GABRA6: variants seen among roughly 807,000 people sequenced by gnomAD.
GABRA6 encodes gamma-aminobutyric acid type A receptor subunit alpha6.
A neutral mutation model predicts 47.3 loss-of-function variants in GABRA6; 45 were observed. That is an observed-to-expected ratio of 0.95 (90% CI 0.75 to 1.22). GABRA6 has a LOEUF of 1.22. Ranked by LOEUF, GABRA6 falls within the 50% of genes most tolerant of loss-of-function variation. GABRA6 has a pLI of 0.00. For missense variants in GABRA6, 583 were observed against 549.3 expected, an observed-to-expected ratio of 1.06 and a Z score of -0.61; for synonymous variants, 219 against 194.7, an observed-to-expected ratio of 1.12 and a Z score of -1.04.
Position 161,690,237 on chromosome 5 carries a change from A to C in GABRA6, c.710A>C (p.Gln237Pro). The change falls in exon 7 of 9, where the codon CAA (glutamine) becomes CCA (proline). Residue 237 changes from glutamine (Q) to proline (P), a missense_variant. Physicochemically the swap from Gln to Pro is moderately conservative, Grantham distance 76 (BLOSUM62 -1). Coordinates refer to ENST00000274545, the MANE Select transcript of GABRA6 (RefSeq NM_000811.3). ...YVIMTVYFHL[Q>P]RKMGYFMIQI... ...ATAATGACAGTTTACTTCCACTTGC[A>C]AAGGAAGATGGGCTACTTCATGATA... 2 of 1,613,800 alleles carry C rather than the reference A, an allele frequency of 1.2e-6. No individual in the cohort carries two copies. Among genetic ancestry groups the C allele is most frequent in the Non-Finnish European group, 1.7e-6 (2 of 1,179,772 alleles).
chr5:161,696,700 TG>T (rs1197644710), intron 8 of GABRA6, among the ~76,000 whole-genome samples: 1 of 152,204 alleles, frequency 6.6e-6, no homozygotes, highest in Non-Finnish European at 1.5e-5. Context: ...CAATAAGCTG[TG>T]TGTCTGTAGA....
rs1329035170 is a variant in GABRA6 at position 161,702,193 on chromosome 5, A to G, written c.*420A>G. 4.7e-6 allele frequency: 1 copy of G among 214,128 alleles called. No individual in the cohort carries two copies. The highest frequency in any genetic ancestry group is 9.5e-6 in the Non-Finnish European group (1 of 105,154). 13.3% of individuals were successfully genotyped at this position (214,128 alleles called of 1,614,324 possible). A position where few individuals can be genotyped will look rare whatever the true frequency, so the allele number is the denominator to read the frequency against. ...GTTCCCGAGAGGGCAAAATATAAAT[A>G]CAGTCTAAATATTTATCAGTAGGTT... is the stretch of plus-strand genomic sequence containing the variant. On this transcript the variant is annotated 3_prime_UTR_variant, in exon 9 of 9. Transcript: ENST00000274545.
intron 1 of GABRA6, 53 bp downstream of exon 1, chr5:161,686,080 A>G: frequency 1.3e-6 from 2 of 1,551,006 alleles, no homozygotes; most frequent in South Asian, 1.1e-5. Flanking sequence ...GGAAAGGAAA[A>G]GTATACATCC....
chr5:161,691,498 T>C (rs1295276756), intron 7 of GABRA6, among the ~76,000 whole-genome samples: 1 of 151,754 alleles, frequency 6.6e-6, no homozygotes, highest in Non-Finnish European at 1.5e-5. Context: ...GGTTTCACCG[T>C]GTTAGCCAGG....
intron 2 of GABRA6, 75 bp from the exon 3 acceptor site, chr5:161,686,861 T>A: frequency 8.0e-7 from 1 of 1,243,300 alleles, no homozygotes; most frequent in South Asian, 1.2e-5. Flanking sequence ...GTAAGGGGTT[T>A]GGTGGTAGAG....
chr5:161,689,750 T>C lies in GABRA6; in HGVS notation c.644T>C (p.Val215Ala). 3 of 1,613,426 alleles carry C rather than the reference T, an allele frequency of 1.9e-6. No individual in the cohort carries two copies. The highest frequency in any genetic ancestry group is 1.1e-5 in the South Asian group (1 of 91,066). Reference protein sequence around the residue: ...LLQYDLIGQTVSSETIKSNTG... With the variant: ...LLQYDLIGQTASSETIKSNTG... ...CAGTATGATCTGATTGGACAAACAG[T>C]ATCTAGTGAGACAATTAAATCTAAC... The change falls in exon 6 of 9, where the codon GTA becomes GCA. Residue 215 changes from valine to alanine, a missense_variant. Val to Ala is a moderately conservative substitution (Grantham distance 64). Transcript: ENST00000274545.
Position 161,686,304 on chromosome 5 carries a change from A to G in GABRA6, c.113A>G (p.Asn38Ser). ...GAAAACGTCAGTCGGATCCTGGACA[A>G]CTTGCTTGAAGGCTATGACAATCGG... Reference protein sequence around the residue: ...YSENVSRILDNLLEGYDNRLR... With the variant: ...YSENVSRILDSLLEGYDNRLR... The change falls in exon 2 of 9, where the codon AAC (asparagine) becomes AGC (serine). Residue 38 changes from asparagine to serine, a missense_variant. Transcript: ENST00000274545. The G allele has an allele frequency of 1.9e-6, 3 of 1,614,072 alleles. No individual in the cohort carries two copies. Among genetic ancestry groups the G allele is most frequent in the Non-Finnish European group, 2.5e-6 (3 of 1,179,938 alleles).
In GABRA6 at chr5:161,686,334, G is replaced by A. The variant is rs751098162; in HGVS notation, c.143G>A (p.Arg48Gln). The A allele has an allele frequency of 5.0e-6, 8 of 1,613,294 alleles. No individual in the cohort carries two copies. The highest frequency in any genetic ancestry group is 2.7e-5 in the African/African-American group (2 of 74,886). ...NLLEGYDNRL[R>Q]PGFGGAVTEV... Reference sequence around the variant, plus strand: ...CTTGAAGGCTATGACAATCGGCTGCGGCCGGGATTTGGAGGTAAGAAGCTG... The same window carrying A: ...CTTGAAGGCTATGACAATCGGCTGCAGCCGGGATTTGGAGGTAAGAAGCTG... The change falls in exon 2 of 9, where the codon CGG becomes CAG. Residue 48 changes from arginine (R) to glutamine (Q), a missense_variant. Physicochemically the swap from Arg to Gln is conservative, Grantham distance 43. Coordinates refer to ENST00000274545, the MANE Select transcript of GABRA6 (RefSeq NM_000811.3).
chr5:161,694,554 T>C (rs1754855933), intron 8 of GABRA6, among the ~76,000 whole-genome samples: 1 of 152,080 alleles, frequency 6.6e-6, no homozygotes, highest in Admixed American at 6.6e-5. Flanking sequence ...ATATAAACTG[T>C]CTCCTATAAA....
chr5:161,691,433 C>T (rs1754789141), intron 7 of GABRA6, among the ~76,000 whole-genome samples: 1 of 151,066 alleles, frequency 6.6e-6, no homozygotes, highest in Non-Finnish European at 1.5e-5. Context: ...GTAGCTGGGA[C>T]TACAGGCGCC....
At chr5:161,692,269 C>A in intron 8 of GABRA6, 69 bp downstream of exon 8, 2 of 1,585,026 alleles carry the variant, frequency 1.3e-6, no homozygotes, top group South Asian at 1.1e-5. Flanking sequence ...TCAGAAACAA[C>A]GAAAGTGTCC....
At chr5:161,691,497 G>A (rs556753237) in intron 7 of GABRA6, among the ~76,000 whole-genome samples, 3 of 151,404 alleles carry the variant, frequency 2.0e-5, no homozygotes, top group South Asian at 2.1e-4. Flanking sequence ...GGGTTTCACC[G>A]TGTTAGCCAG....
intron 1 of GABRA6, 41 bp downstream of exon 1, chr5:161,686,068 GA>G: frequency 5.0e-6 from 8 of 1,592,932 alleles, no homozygotes; most frequent in Non-Finnish European, 6.9e-6. Context: ...TTTTATCTCA[GA>G]GGAAAGGAAA....
chr5:161,701,207 A>G (rs377537970), intron 8 of GABRA6, among the ~76,000 whole-genome samples: 3 of 152,302 alleles, frequency 2.0e-5, no homozygotes, highest in African/African-American at 7.2e-5. Context: ...TCTTTCCCTA[A>G]GGATACAATG....
intron 8 of GABRA6, among the ~76,000 whole-genome samples, chr5:161,699,141 C>T (rs745367772): frequency 1.3e-5 from 2 of 152,146 alleles, no homozygotes; most frequent in East Asian, 1.9e-4. Flanking sequence ...AACAACTAGG[C>T]ATGTCTTCCC....
chr5:161,693,176 T>C (rs1754832288), intron 8 of GABRA6, among the ~76,000 whole-genome samples: 1 of 152,224 alleles, frequency 6.6e-6, no homozygotes, highest in Non-Finnish European at 1.5e-5. Flanking sequence ...TTTAACTTTA[T>C]GATAAAAGTT....
intron 8 of GABRA6, among the ~76,000 whole-genome samples, chr5:161,694,289 T>C (rs1754851085): frequency 6.6e-6 from 1 of 150,686 alleles, no homozygotes. Context: ...AGTTTCTTAT[T>C]TGAGTAAAGT....
rs759706140 is a variant in GABRA6 at position 161,701,507 on chromosome 5, T to C, written c.1096T>C (p.Ser366Pro). Residue 366 changes from serine (S) to proline (P), a missense_variant, in exon 9 of 9, where the codon TCC (serine) becomes CCC (proline). By Grantham distance (74) the Ser-to-Pro change is moderately conservative. Coordinates refer to ENST00000274545, the MANE Select transcript of GABRA6 (RefSeq NM_000811.3). ...LEAEIVLHPD[S>P]KYHLKKRITS... is the part of the protein sequence containing the mutation. Reference sequence around the variant, plus strand: ...TGTCTTTTTTCCACAGCATCCTGACTCCAAATATCATCTGAAGAAAAGGAT... The same window carrying C: ...TGTCTTTTTTCCACAGCATCCTGACCCCAAATATCATCTGAAGAAAAGGAT... The C allele has an allele frequency of 3.7e-6, 6 of 1,614,178 alleles. No homozygotes were observed. The South Asian group carries it at 6.6e-5, about 18-fold the overall frequency.
At position 161,701,694 on chromosome 5, in the gene GABRA6, C is replaced by T. The variant is rs776961152; in HGVS notation, c.1283C>T (p.Ala428Val). ...DQYSRILFPV[A>V]FAGFNLVYWV... ...TATTCTCGAATTCTCTTCCCAGTTG[C>T]ATTTGCAGGATTCAACCTTGTGTAC... Residue 428 changes from alanine to valine, a missense_variant, in exon 9 of 9, where the codon GCA (alanine) becomes GTA (valine). By Grantham distance (64) the Ala-to-Val change is moderately conservative (BLOSUM62 0). Coordinates refer to ENST00000274545, the MANE Select transcript of GABRA6 (RefSeq NM_000811.3). 13 of 1,614,106 alleles carry T rather than the reference C, an allele frequency of 8.1e-6. No individual in the cohort carries two copies. The highest frequency in any genetic ancestry group is 7.7e-5 in the South Asian group (7 of 91,080).
Sources: gnomAD v4.1 joint callset for allele counts (sites outside exome capture counted in the v4.1 genomes callset) on GRCh38, gnomAD v4.1.1 for gene constraint, MANE v1.5 for transcripts, NCBI Gene and HGNC (gene_info 2026-07-23, HGNC 2026-07-21) for gene names.